CTBP1: variants seen among roughly 807,000 people sequenced by gnomAD.
CTBP1 encodes C-terminal binding protein 1.
Under a neutral mutation model 42.1 loss-of-function variants are expected in CTBP1, and 11 were observed. That is an observed-to-expected ratio of 0.26 (90% CI 0.16 to 0.43). CTBP1 has a LOEUF of 0.43. CTBP1 is among the 20% of genes least tolerant of loss of function. CTBP1 has a pLI of 1.00. For missense variants in CTBP1, 399 were observed against 624.3 expected, an observed-to-expected ratio of 0.64 and a Z score of 3.85; for synonymous variants, 324 against 277.1, an observed-to-expected ratio of 1.17 and a Z score of -1.68.
intron 3 of CTBP1, among the ~76,000 whole-genome samples, chr4:1,228,957 C>G (rs959709659): frequency 2.6e-5 from 4 of 152,246 alleles, no homozygotes; most frequent in Admixed American, 2.6e-4. Context: ...CCCTGGCTGG[C>G]GAGGCTTGGG....
chr4:1,220,820 CGT>C (rs1560239735), intron 5 of CTBP1, among the ~76,000 whole-genome samples: 1 of 152,248 alleles, frequency 6.6e-6, no homozygotes, highest in East Asian at 1.9e-4. Flanking sequence ...CCTCACACCA[CGT>C]GTGAGTGGCA....
intron 5 of CTBP1, chr4:1,221,853 T>C: frequency 4.7e-6 from 2 of 423,386 alleles, no homozygotes; most frequent in Admixed American, 2.7e-5. Flanking sequence ...AGACAGTGCA[T>C]TTTTCAGAAG....
At chr4:1,244,236 T>C (rs965550643) in intron 1 of CTBP1, 2 of 984,902 alleles carry the variant, frequency 2.0e-6, no homozygotes, top group African/African-American at 3.5e-5. Flanking sequence ...GATCCACGTG[T>C]GTGCTGGGCA....
intron 1 of CTBP1, 83 bp downstream of exon 1, chr4:1,248,833 C>T (rs1369664745): frequency 8.9e-6 from 8 of 898,148 alleles, no homozygotes; most frequent in East Asian, 1.2e-4. Flanking sequence ...GCGCTCGGTC[C>T]GCCCCCGCGC....
intron 5 of CTBP1, among the ~76,000 whole-genome samples, chr4:1,222,768 C>T (rs1446438879): frequency 1.5e-5 from 2 of 135,512 alleles, no homozygotes; most frequent in Non-Finnish European, 3.3e-5. Context: ...TGGGAAGGCG[C>T]CGCCCTCAGG....
intron 6 of CTBP1, chr4:1,215,504 C>A: frequency 4.6e-6 from 1 of 218,766 alleles, no homozygotes; most frequent in Non-Finnish European, 9.3e-6. Context: ...GCACTGCGAG[C>A]TGTGCTGAGG....
intron 4 of CTBP1, among the ~76,000 whole-genome samples, 155 bp from the exon 5 acceptor site, chr4:1,225,721 C>T (rs969649334): frequency 7.9e-5 from 12 of 152,148 alleles, no homozygotes; most frequent in Non-Finnish European, 1.5e-4. Flanking sequence ...GAGATGAACA[C>T]GTTGCTCACA....
At chr4:1,223,335 G>A in intron 5 of CTBP1, 1 of 416,954 alleles carries the variant, frequency 2.4e-6, no homozygotes, top group Non-Finnish European at 4.9e-6. Flanking sequence ...GTCCTGGTGG[G>A]GGCACCAGCA....
intron 1 of CTBP1, chr4:1,245,054 C>T: frequency 1.0e-6 from 1 of 985,424 alleles, no homozygotes; most frequent in East Asian, 1.1e-4. Flanking sequence ...CCAAGAGAAC[C>T]TCCCCCAGAC....
At chr4:1,225,146 G>A (rs2108748058) in intron 5 of CTBP1, among the ~76,000 whole-genome samples, 1 of 152,236 alleles carries the variant, frequency 6.6e-6, no homozygotes, top group African/African-American at 2.4e-5. Context: ...GTGTGCCTGT[G>A]TGAGACCCAC....
At chr4:1,244,720 G>A (rs2108803440) in intron 1 of CTBP1, 1 of 985,244 alleles carries the variant, frequency 1.0e-6, no homozygotes, top group South Asian at 4.7e-5. Context: ...GTCCCCATAA[G>A]CCCTGATTAC....
chr4:1,236,565 C>T lies in CTBP1; in HGVS notation c.162+1618G>A, dbSNP rs1731515135. On this transcript the variant is annotated intron_variant, in intron 3 of 9. Coordinates refer to ENST00000382952, the MANE Select transcript of CTBP1 (RefSeq NM_001012614.2). Reference sequence around the variant, plus strand: ...ACCTCCTGATGGGGCTCAGGACAAACCGAGTGTCCACCTCCTGATGGGGCT... The same window carrying T: ...ACCTCCTGATGGGGCTCAGGACAAATCGAGTGTCCACCTCCTGATGGGGCT... 9 of 666,488 alleles carry T rather than the reference C, an allele frequency of 1.4e-5. No homozygotes were observed. The Admixed American group carries it at 1.5e-4, about 11-fold the overall frequency. The allele number at this position is 666,488 out of a possible 1,614,324, so 41.3% of individuals were successfully genotyped here.
rs1269652077 is a variant in CTBP1, at chr4:1,238,938, G to A, written c.8-601C>T. ...TTGGGAACATGGTTGTCCCTTTCCT[G>A]CCTGGGCTACCGCGTGGCTGCCCGG... is the stretch of plus-strand genomic sequence containing the variant. On this transcript the variant is annotated intron_variant, in intron 2 of 9. Coordinates refer to ENST00000382952, the MANE Select transcript of CTBP1 (RefSeq NM_001012614.2). The surrounding 1 kb of genome is among the most constrained non-coding windows in gnomAD (Gnocchi z 5.9). Among the ~76,000 whole-genome samples the A allele has an allele frequency of 1.3e-5, 2 of 152,154 alleles. No individual in the cohort carries two copies. The highest frequency in any genetic ancestry group is 2.9e-5 in the Non-Finnish European group (2 of 68,030).
chr4:1,225,536 G>C lies in CTBP1; in HGVS notation c.338C>G (p.Ser113Cys). The C allele has an allele frequency of 1.9e-6, 3 of 1,543,290 alleles. No individual in the cohort carries two copies. The South Asian group carries it at 3.6e-5, about 18-fold the overall frequency. ...CGTCGAGTCGGCCGTCTCCTCCACA[G>C]ACGCCGCGGGCACGTTGCAGACGGC... Reference protein sequence around the residue: ...GIAVCNVPAASVEETADSTLC... With the variant: ...GIAVCNVPAACVEETADSTLC... Residue 113 changes from serine (S) to cysteine (C), a missense_variant, in exon 5 of 10, where the codon TCT becomes TGT. Ser to Cys is a moderately radical substitution (Grantham distance 112, BLOSUM62 -1). Coordinates refer to ENST00000382952, the MANE Select transcript of CTBP1 (RefSeq NM_001012614.2).
At chr4:1,248,719 G>C in intron 1 of CTBP1, 197 bp downstream of exon 1, 1 of 981,680 alleles carries the variant, frequency 1.0e-6, no homozygotes, top group Non-Finnish European at 1.2e-6. Flanking sequence ...GCAGCGGCCC[G>C]CGCATGCGCA....
chr4:1,224,038 G>A lies in CTBP1; in HGVS notation c.514+1322C>T, dbSNP rs114536617. Among the ~76,000 whole-genome samples, 696 of 152,334 alleles carry A rather than the reference G, an allele frequency of 4.6e-3. 4 individuals are homozygous for A. Among genetic ancestry groups the A allele is most frequent in the African/African-American group, 0.016 (654 of 41,572 alleles). On this transcript the variant is annotated intron_variant, in intron 5 of 9. Transcript: ENST00000382952. ...GCCAGGGGCAGCTGCTGGTGACCACGGAGGAAGCCCACGGCTGCCCGAACC... is the reference window on the plus strand; with the variant it reads ...GCCAGGGGCAGCTGCTGGTGACCACAGAGGAAGCCCACGGCTGCCCGAACC...
Position 1,241,472 on chromosome 4 carries a change from T to G in CTBP1, c.-141A>C. The G allele has an allele frequency of 6.2e-7, 1 of 1,606,470 alleles. No homozygotes were observed. Among genetic ancestry groups the G allele is most frequent in the Non-Finnish European group, 8.5e-7 (1 of 1,177,318 alleles). ...TTGTCTCGAGCCAAAGTGCTCAGGC[T>G]TCTGATCCGCGGCAATCACTGAAGC... On this transcript the variant is annotated 5_prime_UTR_variant, in exon 2 of 10. Transcript: ENST00000382952.
chr4:1,232,434 C>A (rs918660943), intron 3 of CTBP1, among the ~76,000 whole-genome samples: 2 of 152,180 alleles, frequency 1.3e-5, no homozygotes, highest in Admixed American at 1.3e-4. Flanking sequence ...GCCTCAGCCT[C>A]CTGAGTATCT....
chr4:1,230,157 CA>C (rs1226077913), intron 3 of CTBP1, among the ~76,000 whole-genome samples: 3 of 152,094 alleles, frequency 2.0e-5, no homozygotes, highest in African/African-American at 7.2e-5. Flanking sequence ...CCTGGTGCAC[CA>C]GATGCAGTGT....
Sources: gnomAD v4.1 joint callset for allele counts (sites outside exome capture counted in the v4.1 genomes callset) on GRCh38, gnomAD v4.1.1 for gene constraint, Gnocchi (gnomAD v3.1) non-coding constraint, MANE v1.5 for transcripts, NCBI Gene and HGNC (gene_info 2026-07-23, HGNC 2026-07-21) for gene names.